Variants in ARFGEF1 observed in about 807,000 individuals in gnomAD.
ARFGEF1 encodes the protein ARF guanine nucleotide exchange factor 1.
A neutral mutation model predicts 231.0 loss-of-function variants in ARFGEF1; 42 were observed. The observed-to-expected ratio is 0.18, with a 90% CI of 0.14 to 0.24. The LOEUF (loss-of-function observed/expected upper bound fraction) is 0.24, where lower values mean the gene tolerates loss of function less well. ARFGEF1 is among the 10% of genes least tolerant of loss of function. ARFGEF1 has a pLI of 1.00. For missense variants in ARFGEF1, 1,345 were observed against 2,192.0 expected, an observed-to-expected ratio of 0.61 and a Z score of 7.72; for synonymous variants, 710 against 732.3, an observed-to-expected ratio of 0.97 and a Z score of 0.49.
intron 29 of ARFGEF1, among the ~76,000 whole-genome samples, chr8:67,224,226 C>T (rs180825820): frequency 2.3e-3 from 350 of 152,082 alleles, no homozygotes; most frequent in African/African-American, 7.3e-3. Flanking sequence ...ATTGAACTCA[C>T]GGTGGGTTTA....
At chr8:67,322,984 C>T (rs1196306023) in intron 1 of ARFGEF1, among the ~76,000 whole-genome samples, 4 of 152,204 alleles carry the variant, frequency 2.6e-5, no homozygotes, top group Admixed American at 6.5e-5. Context: ...ATGCCAGGCA[C>T]GGTGGCTCAC....
chr8:67,267,321 TA>T (rs1328650948), intron 11 of ARFGEF1, 21 bp downstream of exon 11: 1 of 1,591,592 alleles, frequency 6.3e-7, no homozygotes, highest in East Asian at 2.2e-5. Context: ...AAAGAGATAA[TA>T]AAAAGGATAA....
chr8:67,176,256 A>C (rs1183171689), intron 5 of ARFGEF1, among the ~76,000 whole-genome samples: 1 of 152,178 alleles, frequency 6.6e-6, no homozygotes. Context: ...ACAATCAGAT[A>C]ACAAGAGTGG....
chr8:67,285,037 T>C (rs1018266862), intron 7 of ARFGEF1, among the ~76,000 whole-genome samples: 2 of 112,926 alleles, frequency 1.8e-5, no homozygotes, highest in Non-Finnish European at 3.4e-5. Flanking sequence ...ATAATGATGA[T>C]ACAGGATTAT....
intron 17 of ARFGEF1, 134 bp from the exon 18 acceptor site, chr8:67,253,756 T>C (rs1840369914): frequency 2.1e-6 from 1 of 487,672 alleles, no homozygotes. Context: ...TTCAACAAAA[T>C]ATAGATAAAA....
At chr8:67,274,263 A>G (rs1353295861) in intron 9 of ARFGEF1, among the ~76,000 whole-genome samples, 1 of 152,004 alleles carries the variant, frequency 6.6e-6, no homozygotes, top group Non-Finnish European at 1.5e-5. Flanking sequence ...ACCAGAAAAT[A>G]TAAGGGGAAG....
At chr8:67,302,683 T>C (rs956017730) in intron 1 of ARFGEF1, among the ~76,000 whole-genome samples, 1 of 152,066 alleles carries the variant, frequency 6.6e-6, no homozygotes, top group African/African-American at 2.4e-5. Flanking sequence ...AACATAAGGA[T>C]AGGTGAAGTT....
In ARFGEF1 at chr8:67,201,725, C is replaced by CG; in HGVS notation, c.5129-121dup. 5.2e-6 allele frequency: 7 copies of CG among 1,334,876 alleles called. No homozygotes were observed. The South Asian group carries it at 8.9e-5, about 17-fold the overall frequency. The allele number at this position is 1,334,876 out of a possible 1,614,324, so 82.7% of individuals were successfully genotyped here. ...CCATCAGCATCTGCTGCTTACAAAA[C>CG]GGAGCCACAGCAGCCTGATGTGAAG... is the stretch of plus-strand genomic sequence containing the variant. On this transcript the variant is annotated intron_variant, in intron 36 of 38. Coordinates refer to ENST00000262215, the MANE Select transcript of ARFGEF1 (RefSeq NM_006421.5).
At chr8:67,245,584 CA>C (rs1173934395) in intron 19 of ARFGEF1, among the ~76,000 whole-genome samples, 1 of 148,554 alleles carries the variant, frequency 6.7e-6, no homozygotes, top group Non-Finnish European at 1.5e-5. Flanking sequence ...AACCTCAAAC[CA>C]AAAAAACCTA....
At chr8:67,179,351 T>C (rs1832466980) in intron 5 of ARFGEF1, among the ~76,000 whole-genome samples, 1 of 152,172 alleles carries the variant, frequency 6.6e-6, no homozygotes. Context: ...TACCCCTCTC[T>C]CTCCCATGAC....
At chr8:67,235,502 T>C (rs908661463) in intron 22 of ARFGEF1, among the ~76,000 whole-genome samples, 7 of 152,174 alleles carry the variant, frequency 4.6e-5, no homozygotes, top group African/African-American at 9.7e-5. Context: ...GACAAAGCCA[T>C]TGAATTTTTA....
rs202069204 is a variant in ARFGEF1, at chr8:67,228,141, T to C, written c.3422-9A>G. ...CCAACGGACAAAATCCACTGTAATA[T>C]AAATACATTTTTTTTTTAGCTCAAC... On this transcript the variant is annotated splice_polypyrimidine_tract_variant and intron_variant, in intron 24 of 38. Transcript: ENST00000262215. 6.2e-7 allele frequency: 1 copy of C among 1,609,438 alleles called. No individual in the cohort carries two copies. Among genetic ancestry groups the C allele is most frequent in the African/African-American group, 1.3e-5 (1 of 74,522 alleles).
chr8:67,313,515 G>C (rs1326877984), intron 1 of ARFGEF1, among the ~76,000 whole-genome samples: 1 of 152,158 alleles, frequency 6.6e-6, no homozygotes, highest in South Asian at 2.1e-4. Context: ...CCATGGATGT[G>C]GCTTCCTGTG....
chr8:67,291,615 T>G (rs1806013838), intron 6 of ARFGEF1, among the ~76,000 whole-genome samples: 1 of 152,184 alleles, frequency 6.6e-6, no homozygotes, highest in Admixed American at 6.5e-5. Flanking sequence ...AGGAAATCTA[T>G]AAATCATACT....
intron 1 of ARFGEF1, among the ~76,000 whole-genome samples, chr8:67,311,406 G>C (rs1458398200): frequency 8.6e-5 from 12 of 139,000 alleles, no homozygotes; most frequent in Admixed American, 3.4e-4. Context: ...GCCCCGTCCG[G>C]GAGGGAGGTG....
intron 15 of ARFGEF1, among the ~76,000 whole-genome samples, chr8:67,259,565 T>C (rs1192829808): frequency 6.6e-6 from 1 of 152,104 alleles, no homozygotes; most frequent in African/African-American, 2.4e-5. Flanking sequence ...TACCTCTATA[T>C]TTAGGAAAGC....
chr8:67,334,537 T>C (rs1808255549), intron 1 of ARFGEF1, among the ~76,000 whole-genome samples: 2 of 152,198 alleles, frequency 1.3e-5, no homozygotes, highest in African/African-American at 4.8e-5. Context: ...AAGTTAAACA[T>C]AAATTTATCA....
chr8:67,337,302 C>G (rs1808395629), intron 1 of ARFGEF1, among the ~76,000 whole-genome samples: 1 of 152,036 alleles, frequency 6.6e-6, no homozygotes, highest in South Asian at 2.1e-4. Flanking sequence ...TTCCCAAAGG[C>G]TTTTTCTATC....
rs1358740414 is a variant in ARFGEF1, at chr8:67,320,479, T to C, written c.125-18013A>G. 2.0e-5 allele frequency among the ~76,000 whole-genome samples: 3 copies of C among 152,286 alleles called. No homozygotes were observed. The East Asian group carries it at 5.8e-4, about 29-fold the overall frequency. On this transcript the variant is annotated intron_variant, in intron 1 of 38. Coordinates refer to ENST00000262215, the MANE Select transcript of ARFGEF1 (RefSeq NM_006421.5). The stretch of plus-strand genomic sequence containing the variant: ...CATGAAGTTAAACATATACTTACCA[T>C]ATGACCCAGCAGTCCCACTCCTGGG...
Sources: gnomAD v4.1 joint callset for allele counts (sites outside exome capture counted in the v4.1 genomes callset) on GRCh38, gnomAD v4.1.1 for gene constraint, MANE v1.5 for transcripts, NCBI Gene and HGNC (gene_info 2026-07-23, HGNC 2026-07-21) for gene names.